The following ANO1 variants were observed in gnomAD, a reference collection of about 807,000 sequenced individuals.
ANO1 encodes anoctamin-1.
In ANO1, 59 loss-of-function variants were observed where a neutral mutation model predicts 124.0. The ratio of observed to expected loss-of-function variants is 0.48; its 90% CI spans 0.39 to 0.59. The LOEUF is 0.59. ANO1 is among the 20% of genes least tolerant of loss of function. The pLI, the probability that ANO1 is intolerant of heterozygous loss-of-function variation, is 0.00. For missense variants in ANO1, 1,059 were observed against 1,328.0 expected (o/e 0.80, Z 3.15); for synonymous variants, 529 against 532.0 (o/e 0.99, Z 0.08).
At chr11:69,978,634 A>T in the ANO1 span, among the ~76,000 whole-genome samples, 2 of 152,180 alleles carry the variant, frequency 1.3e-5, no homozygotes, top group East Asian at 3.9e-4. Flanking sequence ...TACACGTGTA[A>T]GCTACCGCAC....
intron 11 of ANO1, among the ~76,000 whole-genome samples, chr11:70,140,806 G>A (rs543251437): frequency 1.3e-5 from 2 of 152,232 alleles, no homozygotes; most frequent in East Asian, 1.9e-4. Flanking sequence ...TCAACATCTC[G>A]GGATATCAGG....
At chr11:70,173,149 A>G (rs974304271) in intron 22 of ANO1, among the ~76,000 whole-genome samples, 2 of 152,180 alleles carry the variant, frequency 1.3e-5, no homozygotes, top group Admixed American at 1.3e-4. Flanking sequence ...CTTGTAGACT[A>G]AAAGAGATGA....
chr11:70,061,393 G>C (rs1295153167), intron 1 of ANO1, among the ~76,000 whole-genome samples: 1 of 152,022 alleles, frequency 6.6e-6, no homozygotes, highest in Non-Finnish European at 1.5e-5. Flanking sequence ...AACATTCCAG[G>C]TGAGTTGTTG....
At position 70,150,767 on chromosome 11, in the gene ANO1, A is replaced by T. The variant is rs12419196; in HGVS notation, c.1341+975A>T. Among the ~76,000 whole-genome samples, 59 of 146,894 alleles carry T rather than the reference A, an allele frequency of 4.0e-4. 1 individual carries two copies. The East Asian group carries it at 8.6e-3, about 21-fold the overall frequency. ...GCCCAGGCTACACATGCTCCCTTTT[A>T]AAAAAAAAAGAACTTTTTCATGCAT... On this transcript the variant is annotated intron_variant, in intron 12 of 25. Coordinates refer to ENST00000355303, the MANE Select transcript of ANO1 (RefSeq NM_018043.7).
intron 1 of ANO1, among the ~76,000 whole-genome samples, chr11:70,072,132 C>G (rs1555009393): frequency 6.6e-6 from 1 of 152,170 alleles, no homozygotes; most frequent in African/African-American, 2.4e-5. Context: ...CGGCGCCAAA[C>G]CCAGAGGGCC....
chr11:70,009,491 G>A (rs931130168), intron 1 of ANO1, among the ~76,000 whole-genome samples: 1 of 152,212 alleles, frequency 6.6e-6, no homozygotes. Flanking sequence ...CCTCATGTGG[G>A]TCCAGCCACA....
chr11:69,992,857 A>G (rs1856183060), intron 1 of ANO1, among the ~76,000 whole-genome samples: 1 of 152,196 alleles, frequency 6.6e-6, no homozygotes, highest in Admixed American at 6.5e-5. Context: ...CATGCTGTGT[A>G]ATGAAGCATT....
chr11:70,028,624 A>G (rs531618231), intron 1 of ANO1, among the ~76,000 whole-genome samples: 11 of 152,040 alleles, frequency 7.2e-5, no homozygotes, highest in African/African-American at 2.7e-4. Flanking sequence ...CACACCCCAG[A>G]GCTGAAGCTT....
chr11:70,146,369 G>T (rs914124209), intron 11 of ANO1, among the ~76,000 whole-genome samples: 1 of 152,168 alleles, frequency 6.6e-6, no homozygotes, highest in Non-Finnish European at 1.5e-5. Context: ...CTAGTGCACG[G>T]ATACCTCCTC....
rs536389071 is a variant in ANO1 at position 70,029,423 on chromosome 11, G to A, written c.58+43257G>A. 2.6e-5 allele frequency among the ~76,000 whole-genome samples: 4 copies of A among 152,244 alleles called. No homozygotes were observed. In the South Asian group the frequency reaches 8.3e-4, roughly 31 times the overall value. ...TTGCTTCAAGAGCCATTTGTAGGGG[G>A]TGTTTCCTGGGGCCAAGTGCTGCTG... is the stretch of plus-strand genomic sequence containing the variant. On this transcript the variant is annotated intron_variant, in intron 1 of 27. Coordinates refer to the ANO1 transcript ENST00000531349.
chr11:70,047,779 C>A (rs533588166), intron 1 of ANO1, among the ~76,000 whole-genome samples: 1 of 152,088 alleles, frequency 6.6e-6, no homozygotes, highest in African/African-American at 2.4e-5. Flanking sequence ...TAGAACAGTC[C>A]CCATAGGTCC....
At chr11:70,053,027 T>G (rs1394432980) in intron 1 of ANO1, among the ~76,000 whole-genome samples, 2 of 152,226 alleles carry the variant, frequency 1.3e-5, no homozygotes, top group African/African-American at 4.8e-5. Context: ...TAATGTTGTT[T>G]AAAAAGGCAT....
chr11:69,967,481 C>T, the ANO1 span, among the ~76,000 whole-genome samples: 3 of 152,198 alleles, frequency 2.0e-5, no homozygotes, highest in Non-Finnish European at 4.4e-5. Context: ...TCTCAGACTT[C>T]TTCTTCATGA....
chr11:70,142,918 G>C (rs867226259), intron 11 of ANO1, among the ~76,000 whole-genome samples: 53 of 152,214 alleles, frequency 3.5e-4, no homozygotes, highest in African/African-American at 1.2e-3. Flanking sequence ...CATGACCTCA[G>C]CTAAACCCGA....
At chr11:70,173,788 C>T (rs550142254) in intron 22 of ANO1, among the ~76,000 whole-genome samples, 6 of 152,222 alleles carry the variant, frequency 3.9e-5, no homozygotes, top group South Asian at 4.1e-4. Context: ...CAGTGGCTCA[C>T]GCCTGTAATC....
chr11:69,968,240 G>A, the ANO1 span, among the ~76,000 whole-genome samples: 1 of 152,112 alleles, frequency 6.6e-6, no homozygotes, highest in Non-Finnish European at 1.5e-5. Flanking sequence ...CATTCTTGGT[G>A]CCTCCCTGAG....
chr11:69,987,154 A>G (rs1275496326), intron 1 of ANO1, among the ~76,000 whole-genome samples: 1 of 152,250 alleles, frequency 6.6e-6, no homozygotes, highest in African/African-American at 2.4e-5. Flanking sequence ...AAGGCCCAGA[A>G]GAAAGAGAAA....
chr11:70,014,394 C>T (rs200764663), intron 1 of ANO1, among the ~76,000 whole-genome samples: 5 of 152,152 alleles, frequency 3.3e-5, no homozygotes, highest in South Asian at 4.2e-4. Flanking sequence ...ACATCAATGC[C>T]GTTGCAGAGC....
chr11:70,102,379 G>A (rs2045312539), intron 2 of ANO1, among the ~76,000 whole-genome samples: 1 of 152,348 alleles, frequency 6.6e-6, no homozygotes, highest in Admixed American at 6.5e-5. Flanking sequence ...AGCGCTCGGT[G>A]ACTCTCTGCT....
Sources: allele counts gnomAD v4.1 joint callset (sites outside exome capture counted in the v4.1 genomes callset), GRCh38; gene constraint gnomAD v4.1.1; transcripts MANE v1.5; gene names NCBI Gene and HGNC (gene_info 2026-07-23, HGNC 2026-07-21).